Variants in DCC observed in about 807,000 individuals in gnomAD.
The protein encoded by DCC is netrin receptor DCC.
DCC carries 58 observed loss-of-function variants against 172.5 expected under a neutral mutation model. That is an observed-to-expected ratio of 0.34 (90% confidence interval 0.27 to 0.42). The LOEUF is 0.42. Among genes scored for constraint, DCC ranks in the 10% least tolerant of loss-of-function variants. The pLI is 1.00. For synonymous variants in DCC, 709 were observed against 644.5 expected (o/e 1.10, Z -1.52); for missense variants, 1,740 against 1,791.0 (o/e 0.97, Z 0.51).
chr18:53,351,586 C>T (rs1234754080), intron 15 of DCC, among the ~76,000 whole-genome samples: 1 of 147,874 alleles, frequency 6.8e-6, no homozygotes, highest in Admixed American at 6.8e-5. Flanking sequence ...TAAAATAACA[C>T]TTTCACATTT....
chr18:53,364,210 C>T (rs774713330), intron 15 of DCC, among the ~76,000 whole-genome samples: 9 of 152,138 alleles, frequency 5.9e-5, no homozygotes, highest in Non-Finnish European at 1.3e-4. Context: ...ACATAATAGA[C>T]TCTCTCCAGT....
intron 1 of DCC, among the ~76,000 whole-genome samples, chr18:52,434,839 C>T (rs1229428268): frequency 6.6e-6 from 1 of 152,136 alleles, no homozygotes; most frequent in African/African-American, 2.4e-5. Flanking sequence ...CTGGAGGCCT[C>T]CCTGATTCTG....
chr18:53,464,588 A>G (rs985013784), intron 24 of DCC, among the ~76,000 whole-genome samples: 4 of 152,094 alleles, frequency 2.6e-5, no homozygotes, highest in African/African-American at 9.7e-5. Context: ...TAACTTTTCA[A>G]TGAATTCATG....
intron 1 of DCC, among the ~76,000 whole-genome samples, chr18:52,681,898 TAA>T (rs34891621): frequency 6.6e-6 from 1 of 151,790 alleles, no homozygotes; most frequent in Non-Finnish European, 1.5e-5. Flanking sequence ...TCTTCCCTTC[TAA>T]AAAAAATGCT....
chr18:52,996,884 T>C (rs2145632243), intron 5 of DCC, among the ~76,000 whole-genome samples: 1 of 151,482 alleles, frequency 6.6e-6, no homozygotes, highest in East Asian at 2.0e-4. Flanking sequence ...ATTTGACTAA[T>C]GATGTCCTAA....
intron 5 of DCC, among the ~76,000 whole-genome samples, chr18:53,063,081 C>G (rs1365154816): frequency 6.6e-6 from 1 of 151,054 alleles, no homozygotes; most frequent in Non-Finnish European, 1.5e-5. Context: ...TTTTTTCTTT[C>G]CTTGTGGCAG....
intron 5 of DCC, among the ~76,000 whole-genome samples, chr18:53,021,239 G>A (rs2041877911): frequency 1.3e-5 from 2 of 152,166 alleles, no homozygotes; most frequent in South Asian, 4.1e-4. Context: ...CTTTCTTGTG[G>A]CTTGTAGGTC....
intron 10 of DCC, among the ~76,000 whole-genome samples, chr18:53,206,483 T>C (rs200881624): frequency 8.1e-5 from 8 of 99,212 alleles, no homozygotes; most frequent in South Asian, 2.7e-4. Flanking sequence ...ATATATAATA[T>C]ATAATGTATA....
intron 1 of DCC, among the ~76,000 whole-genome samples, chr18:52,530,218 G>T (rs1442546882): frequency 1.3e-5 from 2 of 152,104 alleles, no homozygotes; most frequent in Non-Finnish European, 2.9e-5. Context: ...CTCTCTTCAA[G>T]GAATGGTACA....
At chr18:52,839,158 G>T (rs2038762661) in intron 2 of DCC, among the ~76,000 whole-genome samples, 1 of 152,134 alleles carries the variant, frequency 6.6e-6, no homozygotes, top group Non-Finnish European at 1.5e-5. Context: ...CTTAGTAGGA[G>T]AAATTATACA....
At chr18:53,150,746 G>A (rs1429219477) in intron 7 of DCC, among the ~76,000 whole-genome samples, 1 of 152,212 alleles carries the variant, frequency 6.6e-6, no homozygotes, top group East Asian at 1.9e-4. Flanking sequence ...GCACACAAAA[G>A]TAGCAGAGGT....
chr18:52,421,587 G>T (rs961708315), intron 1 of DCC, among the ~76,000 whole-genome samples: 1 of 152,204 alleles, frequency 6.6e-6, no homozygotes, highest in Non-Finnish European at 1.5e-5. Flanking sequence ...CGCCACATCT[G>T]CTGCACTTTC....
Position 52,906,193 on chromosome 18 carries a change from C to G in DCC, c.562C>G (p.Arg188Gly). The change falls in exon 3 of 29, where the codon CGA becomes GGA. Residue 188 changes from arginine to glycine, a missense_variant. Arg to Gly is a moderately radical substitution (Grantham distance 125). Around this residue, in one of 2 missense-constraint regions of DCC, gnomAD observed 1,732 missense variants for 1,767.4 expected, o/e 0.98. Transcript: ENST00000442544. ...CCTGACTCCAATCCCAGGTGACTCC[C>G]GAGTGGTGGTCTTGCCCTCTGGAGC... ...QDLTPIPGDS[R>G]VVVLPSGALQ... 6.2e-7 allele frequency: 1 copy of G among 1,614,052 alleles called. No homozygotes were observed. Among genetic ancestry groups the G allele is most frequent in the Non-Finnish European group, 8.5e-7 (1 of 1,180,038 alleles).
chr18:53,241,092 C>T (rs765987214), intron 12 of DCC, among the ~76,000 whole-genome samples: 43 of 152,024 alleles, frequency 2.8e-4, no homozygotes, highest in Non-Finnish European at 5.0e-4. Context: ...CAATTTGACC[C>T]TGAGGCTGGG....
At chr18:52,410,351 G>C (rs756520211) in intron 1 of DCC, among the ~76,000 whole-genome samples, 5 of 152,128 alleles carry the variant, frequency 3.3e-5, no homozygotes, top group Non-Finnish European at 7.3e-5. Flanking sequence ...AAGAGGCCTT[G>C]AGCCCAGGAG....
chr18:53,268,711 C>T (rs146403756), intron 12 of DCC, among the ~76,000 whole-genome samples: 11 of 152,100 alleles, frequency 7.2e-5, no homozygotes, highest in African/African-American at 1.4e-4. Flanking sequence ...GGTGCTGTCA[C>T]GGTGATTTCA....
chr18:52,802,001 ATTCTT>A (rs955835463), intron 2 of DCC, among the ~76,000 whole-genome samples: 21 of 148,380 alleles, frequency 1.4e-4, no homozygotes, highest in Non-Finnish European at 3.0e-4. Context: ...GCATTATTCT[ATTCTT>A]TTTTTTTTTT....
chr18:52,495,692 T>C (rs1029225739), intron 1 of DCC, among the ~76,000 whole-genome samples: 77 of 152,230 alleles, frequency 5.1e-4, no homozygotes, highest in African/African-American at 1.8e-3. Flanking sequence ...TGTCTTTCAA[T>C]TGAGTGAGCT....
chr18:52,401,443 C>T (rs146567271), intron 1 of DCC, among the ~76,000 whole-genome samples: 287 of 152,084 alleles, frequency 1.9e-3, no homozygotes, highest in Middle Eastern at 0.014. Flanking sequence ...CATTTACTGA[C>T]GCTGAAGCAA....
Sources: allele counts gnomAD v4.1 joint callset (sites outside exome capture counted in the v4.1 genomes callset), GRCh38; gene constraint gnomAD v4.1.1; regional missense constraint gnomAD v4.1.1; transcripts MANE v1.5; gene names NCBI Gene and HGNC (gene_info 2026-07-23, HGNC 2026-07-21).